The following ABHD17A variants were observed in gnomAD, a reference collection of about 807,000 sequenced individuals.
ABHD17A encodes abhydrolase domain containing 17A, depalmitoylase.
A neutral mutation model predicts 26.8 loss-of-function variants in ABHD17A; 10 were observed. The ratio of observed to expected loss-of-function variants is 0.37; its 90% CI spans 0.23 to 0.63. ABHD17A has a LOEUF of 0.63. ABHD17A is among the 30% of genes least tolerant of loss of function. The pLI is 0.61. For missense variants in ABHD17A, 292 were observed against 457.3 expected (o/e 0.64, Z 3.30); for synonymous variants, 167 against 210.9 (o/e 0.79, Z 1.80).
chr19:1,881,945 A>G (rs914523930), intron 1 of ABHD17A, 141 bp from the exon 2 acceptor site: 25 of 221,500 alleles, frequency 1.1e-4, no homozygotes, highest in African/African-American at 5.9e-4. Flanking sequence ...GGCCCTCCCC[A>G]CGGCCTGTCA....
rs2012486791 is a variant in ABHD17A, at chr19:1,880,305, G to T, written c.333-190C>A. Among the ~76,000 whole-genome samples the T allele has an allele frequency of 6.6e-6, 1 of 152,220 alleles. No homozygotes were observed. Among genetic ancestry groups the T allele is most frequent in the Admixed American group, 6.5e-5 (1 of 15,284 alleles). ...CGACAGCACAGCTCCATCTCCGAGG[G>T]TTCCCCATGGGGAGAGGACAGGACA... On this transcript the variant is annotated intron_variant, in intron 2 of 4. Coordinates refer to ENST00000292577, the MANE Select transcript of ABHD17A (RefSeq NM_001130111.2). This position sits in a 1 kb window ranked among gnomAD's most constrained non-coding sequence, Gnocchi z 4.1.
In ABHD17A at chr19:1,876,843, T is replaced by G; in HGVS notation, c.*357A>C. On this transcript the variant is annotated 3_prime_UTR_variant, in exon 5 of 5. Transcript: ENST00000292577. ...AGAGACCCACCCCACTTCCGCAGAG[T>G]AAAACCTATAAGGGGGTCCGTGCCG... 3 of 278,760 alleles carry G rather than the reference T, an allele frequency of 1.1e-5. No individual in the cohort carries two copies. The highest frequency in any genetic ancestry group is 2.1e-5 in the Non-Finnish European group (3 of 145,544). 17.3% of individuals were successfully genotyped at this position (278,760 alleles called of 1,614,324 possible).
chr19:1,880,207 C>A lies in ABHD17A; in HGVS notation c.333-92G>T, dbSNP rs2012485174. On this transcript the variant is annotated intron_variant, in intron 2 of 4. Transcript: ENST00000292577. The surrounding 1 kb of genome is among the most constrained non-coding windows in gnomAD (Gnocchi z 4.1). ...GCGTAGTGACAGCCCACCCCGGTGG[C>A]CAGCCATGCCCAGTGCCTCATTTAC... The A allele has an allele frequency of 2.2e-6, 3 of 1,348,838 alleles. No individual in the cohort carries two copies. Among genetic ancestry groups the A allele is most frequent in the Non-Finnish European group, 3.1e-6 (3 of 973,226 alleles). 83.6% of individuals were successfully genotyped at this position (1,348,838 alleles called of 1,614,324 possible). A position where few individuals can be genotyped will look rare whatever the true frequency, so the allele number is the denominator to read the frequency against.
rs2012658432 is a variant in ABHD17A at position 1,885,476 on chromosome 19, C to G, written c.-363G>C. 6.6e-6 allele frequency: 1 copy of G among 152,488 alleles called. No individual in the cohort carries two copies. The highest frequency in any genetic ancestry group is 2.0e-4 in the South Asian group (1 of 4,942). The allele number at this position is 152,488 out of a possible 1,614,324, so 9.4% of individuals were successfully genotyped here. A position where few individuals can be genotyped will look rare whatever the true frequency, so the allele number is the denominator to read the frequency against. On this transcript the variant is annotated 5_prime_UTR_variant, in exon 1 of 5. Transcript: ENST00000292577. ...TGCACCGCCACCGCCGCAGCTCCCC[C>G]CACGGACGGAAGTGAGCCTCGTTCT...
At chr19:1,883,850 A>G (rs1258505176) in intron 1 of ABHD17A, 1 of 152,288 alleles carries the variant, frequency 6.6e-6, no homozygotes, top group East Asian at 1.9e-4. Flanking sequence ...GGGGCCTCCC[A>G]TTATTCCCTG....
rs1394542071 is a variant in ABHD17A, at chr19:1,881,682, C to T, written c.-116G>A. 8.8e-6 allele frequency: 12 copies of T among 1,365,444 alleles called. No homozygotes were observed. The highest frequency in any genetic ancestry group is 1.0e-5 in the Non-Finnish European group (11 of 1,061,466). 84.6% of individuals were successfully genotyped at this position (1,365,444 alleles called of 1,614,324 possible). On this transcript the variant is annotated 5_prime_UTR_variant, in exon 2 of 5. Coordinates refer to ENST00000292577, the MANE Select transcript of ABHD17A (RefSeq NM_001130111.2). ...GAGTCGCGGGCAGGGGGGAGAGCGC[C>T]CCCCCAGCTACCGCCCCAGACAGCA... is the stretch of plus-strand genomic sequence containing the variant.
In ABHD17A at chr19:1,877,280, T is replaced by C; in HGVS notation, c.853A>G (p.Asn285Asp). 3 of 1,537,164 alleles carry C rather than the reference T, an allele frequency of 2.0e-6. No individual in the cohort carries two copies. The highest frequency in any genetic ancestry group is 2.6e-6 in the Non-Finnish European group (3 of 1,146,472). ...TACTGGCTGTAGAGCTCGATGTCGT[T>C]GTGCCCGGCGCCCTCCACCCACAGC... is the stretch of plus-strand genomic sequence containing the variant. ...EPLWVEGAGH[N>D]DIELYSQYLE... is the part of the protein sequence containing the mutation. Residue 285 changes from asparagine (N) to aspartate (D), a missense_variant, in exon 5 of 5, where the codon AAC (asparagine) becomes GAC (aspartate). This residue lies in a region of ABHD17A where 88 missense variants were observed against 134.3 expected (regional missense o/e 0.66). Transcript: ENST00000292577.
Position 1,877,428 on chromosome 19 carries a change from G to A in ABHD17A, c.708-3C>T, listed in dbSNP as rs1352945977. ...TGATCTTGGACACCTTCTCGATGCT[G>A]CGGGAGGGTCGTGGAGCCGGTGAGA... is the stretch of plus-strand genomic sequence containing the variant. On this transcript the variant is annotated splice_polypyrimidine_tract_variant and splice_region_variant and intron_variant, in intron 4 of 4. Coordinates refer to ENST00000292577, the MANE Select transcript of ABHD17A (RefSeq NM_001130111.2). 1 of 1,563,306 alleles carries A rather than the reference G, an allele frequency of 6.4e-7. No individual in the cohort carries two copies. Among genetic ancestry groups the A allele is most frequent in the Non-Finnish European group, 8.6e-7 (1 of 1,161,284 alleles).
Position 1,880,890 on chromosome 19 carries a change from C to T in ABHD17A, c.332+345G>A. 1 of 1,613,032 alleles carries T rather than the reference C, an allele frequency of 6.2e-7. No homozygotes were observed. Among genetic ancestry groups the T allele is most frequent in the Non-Finnish European group, 8.5e-7 (1 of 1,179,886 alleles). ...CCTCTGGACTCAGATCTGGTCAGAA[C>T]CCCACCTGGCGAGAAGGTGGATGTA... On this transcript the variant is annotated intron_variant, in intron 2 of 4. Transcript: ENST00000292577. The surrounding 1 kb of genome is among the most constrained non-coding windows in gnomAD (Gnocchi z 4.1).
Position 1,881,695 on chromosome 19 carries a change from G to A in ABHD17A, c.-129C>T, listed in dbSNP as rs1006000283. ...GGGGGAGAGCGCCCCCCCAGCTACC[G>A]CCCCAGACAGCAGCCCCGTTAGGAG... On this transcript the variant is annotated 5_prime_UTR_variant, in exon 2 of 5. Coordinates refer to ENST00000292577, the MANE Select transcript of ABHD17A (RefSeq NM_001130111.2). 8.9e-5 allele frequency: 117 copies of A among 1,316,578 alleles called. No individual in the cohort carries two copies. The highest frequency in any genetic ancestry group is 8.4e-4 in the Middle Eastern group (3 of 3,578). 81.6% of individuals were successfully genotyped at this position (1,316,578 alleles called of 1,614,324 possible). A position where few individuals can be genotyped will look rare whatever the true frequency, so the allele number is the denominator to read the frequency against.
Position 1,879,657 on chromosome 19 carries a change from T to C in ABHD17A, c.527+264A>G, listed in dbSNP as rs1463390510. ...ACACCCCTGTGACAAGCTCAGCCCCTTCCCATCCTCAGGCCAGGGGTTCCC... is the reference window on the plus strand; with the variant it reads ...ACACCCCTGTGACAAGCTCAGCCCCCTCCCATCCTCAGGCCAGGGGTTCCC... On this transcript the variant is annotated intron_variant, in intron 3 of 4. Coordinates refer to ENST00000292577, the MANE Select transcript of ABHD17A (RefSeq NM_001130111.2). The surrounding 1 kb of genome is among the most constrained non-coding windows in gnomAD (Gnocchi z 7.6). 22 of 539,198 alleles carry C rather than the reference T, an allele frequency of 4.1e-5. No homozygotes were observed. The East Asian group carries it at 6.7e-4, about 16-fold the overall frequency. 33.4% of individuals were successfully genotyped at this position (539,198 alleles called of 1,614,324 possible).
In ABHD17A at chr19:1,879,987, G is replaced by A. The variant is rs777774406; in HGVS notation, c.461C>T (p.Ser154Leu). Reference protein sequence around the residue: ...SYDYSGYGASSGRPSERNLYA... With the variant: ...SYDYSGYGASLGRPSERNLYA... Reference sequence around the variant, plus strand: ...GAGGTTCCTCTCGGAAGGCCTGCCCGAGCTGGCACCGTAGCCGGAGTAGTC... The same window carrying A: ...GAGGTTCCTCTCGGAAGGCCTGCCCAAGCTGGCACCGTAGCCGGAGTAGTC... The change falls in exon 3 of 5, where the codon TCG becomes TTG. Residue 154 changes from serine to leucine, a missense_variant. Ser to Leu is a moderately radical substitution (Grantham distance 145). Around this residue, in one of 4 missense-constraint regions of ABHD17A, gnomAD observed 25 missense variants for 40.3 expected, o/e 0.62. Transcript: ENST00000292577. This position sits in a 1 kb window ranked among gnomAD's most constrained non-coding sequence, Gnocchi z 7.6. 1.5e-5 allele frequency: 25 copies of A among 1,613,086 alleles called. No individual in the cohort carries two copies. Among genetic ancestry groups the A allele is most frequent in the East Asian group, 6.7e-5 (3 of 44,894 alleles).
At position 1,880,023 on chromosome 19, in the gene ABHD17A, A is replaced by T; in HGVS notation, c.425T>A (p.Ile142Asn). The T allele has an allele frequency of 6.2e-7, 1 of 1,613,222 alleles. No individual in the cohort carries two copies. Among genetic ancestry groups the T allele is most frequent in the Non-Finnish European group, 8.5e-7 (1 of 1,180,004 alleles). The change falls in exon 3 of 5, where the codon ATC becomes AAC. Residue 142 changes from isoleucine to asparagine, a missense_variant. By Grantham distance (149) the Ile-to-Asn change is moderately radical. Around this residue, in one of 4 missense-constraint regions of ABHD17A, gnomAD observed 171 missense variants for 216.1 expected, o/e 0.79. Transcript: ENST00000292577. The surrounding 1 kb of genome is among the most constrained non-coding windows in gnomAD (Gnocchi z 4.1). Reference sequence around the variant, plus strand: ...GTAGCCGGAGTAGTCGTAGGAGAAGATGTTGCAGTGGAGGCGGGAGCCCAG... The same window carrying T: ...GTAGCCGGAGTAGTCGTAGGAGAAGTTGTTGCAGTGGAGGCGGGAGCCCAG... ...IGLGSRLHCN[I>N]FSYDYSGYGA...
Position 1,879,639 on chromosome 19 carries a change from T to C in ABHD17A, c.527+282A>G. 2 of 509,396 alleles carry C rather than the reference T, an allele frequency of 3.9e-6. No individual in the cohort carries two copies. The highest frequency in any genetic ancestry group is 4.2e-5 in the South Asian group (2 of 48,074). 31.6% of individuals were successfully genotyped at this position (509,396 alleles called of 1,614,324 possible). A position where few individuals can be genotyped will look rare whatever the true frequency, so the allele number is the denominator to read the frequency against. On this transcript the variant is annotated intron_variant, in intron 3 of 4. Coordinates refer to ENST00000292577, the MANE Select transcript of ABHD17A (RefSeq NM_001130111.2). The surrounding 1 kb of genome is among the most constrained non-coding windows in gnomAD (Gnocchi z 7.6). ...TCCCGCCGGGTGGCATCCACACCCC[T>C]GTGACAAGCTCAGCCCCTTCCCATC...
chr19:1,877,483 C>A, intron 4 of ABHD17A, 25 bp downstream of exon 4: 1 of 1,584,552 alleles, frequency 6.3e-7, no homozygotes, highest in Non-Finnish European at 8.5e-7. Context: ...CCCGCCCCGC[C>A]CCCGTCCCCG....
rs145081941 is a variant in ABHD17A at position 1,880,913 on chromosome 19, G to A, written c.332+322C>T. The A allele has an allele frequency of 9.3e-6, 15 of 1,612,972 alleles. No individual in the cohort carries two copies. The highest frequency in any genetic ancestry group is 1.6e-4 in the Middle Eastern group (1 of 6,082). The stretch of plus-strand genomic sequence containing the variant: ...AACCCCACCTGGCGAGAAGGTGGAT[G>A]TACCCGCAGGCCAGGGCAGCCCCTG... On this transcript the variant is annotated intron_variant, in intron 2 of 4. Coordinates refer to ENST00000292577, the MANE Select transcript of ABHD17A (RefSeq NM_001130111.2). The surrounding 1 kb of genome is among the most constrained non-coding windows in gnomAD (Gnocchi z 4.1).
In ABHD17A at chr19:1,881,788, T is replaced by C; in HGVS notation, c.-222A>G. On this transcript the variant is annotated 5_prime_UTR_variant, in exon 2 of 5. Coordinates refer to ENST00000292577, the MANE Select transcript of ABHD17A (RefSeq NM_001130111.2). The stretch of plus-strand genomic sequence containing the variant: ...AGCCTCGCAACCACAGGTCTCCATG[T>C]CGTGCCGTGGGAAGCCCTGCGGGGG... 1 of 573,454 alleles carries C rather than the reference T, an allele frequency of 1.7e-6. No homozygotes were observed. The highest frequency in any genetic ancestry group is 2.8e-6 in the Non-Finnish European group (1 of 359,406). The allele number at this position is 573,454 out of a possible 1,614,324, so 35.5% of individuals were successfully genotyped here.
Position 1,880,193 on chromosome 19 carries a change from GC to G in ABHD17A, c.333-79del. The G allele has an allele frequency of 6.6e-7, 1 of 1,512,314 alleles. No individual in the cohort carries two copies. Among genetic ancestry groups the G allele is most frequent in the African/African-American group, 1.4e-5 (1 of 72,916 alleles). 93.7% of individuals were successfully genotyped at this position (1,512,314 alleles called of 1,614,324 possible). ...CAGGGCAGGAGGATGCGTAGTGACA[GC>G]CCACCCCGGTGGCCAGCCATGCCCA... On this transcript the variant is annotated intron_variant, in intron 2 of 4. Coordinates refer to ENST00000292577, the MANE Select transcript of ABHD17A (RefSeq NM_001130111.2). The surrounding 1 kb of genome is among the most constrained non-coding windows in gnomAD (Gnocchi z 4.1).
Position 1,879,826 on chromosome 19 carries a change from G to A in ABHD17A, c.527+95C>T, listed in dbSNP as rs1299949522. On this transcript the variant is annotated intron_variant, in intron 3 of 4. Transcript: ENST00000292577. This position sits in a 1 kb window ranked among gnomAD's most constrained non-coding sequence, Gnocchi z 7.6. ...ACTGTGGCTCCCCTCCTGCAGGGCCGCCCACCTTCCTCCCAGGGAAGCCCG... is the reference window on the plus strand; with the variant it reads ...ACTGTGGCTCCCCTCCTGCAGGGCCACCCACCTTCCTCCCAGGGAAGCCCG... 1.4e-5 allele frequency: 18 copies of A among 1,313,202 alleles called. No individual in the cohort carries two copies. Among genetic ancestry groups the A allele is most frequent in the Non-Finnish European group, 1.6e-5 (15 of 958,796 alleles). The allele number at this position is 1,313,202 out of a possible 1,614,324, so 81.3% of individuals were successfully genotyped here. A position where few individuals can be genotyped will look rare whatever the true frequency, so the allele number is the denominator to read the frequency against.
Sources: allele counts gnomAD v4.1 joint callset (sites outside exome capture counted in the v4.1 genomes callset), GRCh38; gene constraint gnomAD v4.1.1; regional missense constraint gnomAD v4.1.1; non-coding constraint Gnocchi (gnomAD v3.1); transcripts MANE v1.5; gene names NCBI Gene and HGNC (gene_info 2026-07-23, HGNC 2026-07-21).